Variants in CSMD3 observed in about 807,000 individuals in gnomAD.
The protein encoded by CSMD3 is CUB and Sushi multiple domains 3, also known as CUB and sushi domain-containing protein 3.
CSMD3 carries 177 observed loss-of-function variants against 435.2 expected under a neutral mutation model. The ratio of observed to expected loss-of-function variants is 0.41; its 90% CI spans 0.36 to 0.46. The LOEUF (loss-of-function observed/expected upper bound fraction) is 0.46, where lower values mean the gene tolerates loss of function less well. CSMD3 is among the 20% of genes least tolerant of loss of function. The probability of loss-of-function intolerance (pLI) is 0.34; values close to 1 mark genes in which losing one functional copy is unlikely to be tolerated. For synonymous variants in CSMD3, 1,656 were observed against 1,520.5 expected (o/e 1.09, Z -2.07); for missense variants, 4,265 against 4,504.6 (o/e 0.95, Z 1.52).
chr8:113,362,655 G>C (rs1033025883), intron 1 of CSMD3, among the ~76,000 whole-genome samples: 2 of 152,078 alleles, frequency 1.3e-5, no homozygotes, highest in African/African-American at 4.8e-5. Context: ...TCTCAGTTTT[G>C]TGGGATGCAC....
intron 1 of CSMD3, among the ~76,000 whole-genome samples, chr8:113,428,806 A>G (rs748288283): frequency 6.6e-6 from 1 of 151,852 alleles, no homozygotes; most frequent in Non-Finnish European, 1.5e-5. Flanking sequence ...TTGCTTTTTT[A>G]GTTATTTGGG....
At chr8:113,402,844 AAT>A (rs1470024853) in intron 1 of CSMD3, among the ~76,000 whole-genome samples, 6 of 151,384 alleles carry the variant, frequency 4.0e-5, no homozygotes, top group Non-Finnish European at 7.4e-5. Flanking sequence ...TAGGAAACAA[AAT>A]AACAAGAGTA....
At chr8:112,905,386 G>A (rs929949528) in intron 10 of CSMD3, among the ~76,000 whole-genome samples, 1 of 150,794 alleles carries the variant, frequency 6.6e-6, no homozygotes, top group African/African-American at 2.4e-5. Flanking sequence ...GGTGGGTATT[G>A]TTAGGAGGCA....
intron 15 of CSMD3, among the ~76,000 whole-genome samples, chr8:112,683,808 A>G (rs2075955059): frequency 6.6e-6 from 1 of 151,904 alleles, no homozygotes; most frequent in Admixed American, 6.6e-5. Flanking sequence ...TATAAATTGT[A>G]TAATTTTACT....
At chr8:113,350,575 C>A (rs1355078407) in intron 1 of CSMD3, among the ~76,000 whole-genome samples, 1 of 152,062 alleles carries the variant, frequency 6.6e-6, no homozygotes, top group South Asian at 2.1e-4. Flanking sequence ...CCCTTCTTTT[C>A]AACCTCCCTA....
chr8:112,966,812 T>G (rs1456661666), intron 7 of CSMD3, among the ~76,000 whole-genome samples: 1 of 151,898 alleles, frequency 6.6e-6, no homozygotes, highest in Non-Finnish European at 1.5e-5. Context: ...CCATCTGCCT[T>G]AAAATATCCC....
intron 1 of CSMD3, among the ~76,000 whole-genome samples, chr8:113,317,314 A>G (rs1563691576): frequency 6.6e-6 from 1 of 152,168 alleles, no homozygotes. Context: ...TTTGAACTTC[A>G]TAACTAAAGG....
intron 32 of CSMD3, among the ~76,000 whole-genome samples, chr8:112,443,681 T>C (rs1420892382): frequency 4.6e-5 from 7 of 152,102 alleles, no homozygotes; most frequent in South Asian, 2.1e-4. Flanking sequence ...TAAATGTCTA[T>C]CTTTTTGTTA....
intron 3 of CSMD3, among the ~76,000 whole-genome samples, chr8:113,277,350 G>C (rs2093579383): frequency 6.6e-6 from 1 of 151,850 alleles, no homozygotes; most frequent in Admixed American, 6.6e-5. Flanking sequence ...CTACACAAAA[G>C]ACAGTTCAGA....
intron 4 of CSMD3, among the ~76,000 whole-genome samples, chr8:113,152,237 T>A (rs1366319011): frequency 6.6e-6 from 1 of 151,934 alleles, no homozygotes. Flanking sequence ...ATCACACTAC[T>A]GAGTAAACAG....
At chr8:113,145,824 A>G (rs1407265567) in intron 4 of CSMD3, among the ~76,000 whole-genome samples, 1 of 151,582 alleles carries the variant, frequency 6.6e-6, no homozygotes, top group African/African-American at 2.4e-5. Context: ...CAGATGGCAA[A>G]AATGAGTCCC....
At chr8:113,338,956 T>TA (rs557463316) in intron 1 of CSMD3, among the ~76,000 whole-genome samples, 15 of 151,964 alleles carry the variant, frequency 9.9e-5, no homozygotes, top group Admixed American at 1.3e-4. Context: ...AATTACACTT[T>TA]AAAATGTTTT....
chr8:112,902,914 C>T (rs1035609832), intron 10 of CSMD3, among the ~76,000 whole-genome samples: 3 of 150,958 alleles, frequency 2.0e-5, no homozygotes, highest in African/African-American at 7.3e-5. Flanking sequence ...TCTACTTCAC[C>T]CACTTCTTCT....
intron 11 of CSMD3, among the ~76,000 whole-genome samples, chr8:112,849,295 T>A (rs1288456743): frequency 6.6e-6 from 1 of 152,016 alleles, no homozygotes; most frequent in African/African-American, 2.4e-5. Flanking sequence ...ATTATCCTCA[T>A]AACAATAACT....
At chr8:113,250,058 T>C (rs1672509066) in intron 3 of CSMD3, among the ~76,000 whole-genome samples, 1 of 152,150 alleles carries the variant, frequency 6.6e-6, no homozygotes, top group Non-Finnish European at 1.5e-5. Flanking sequence ...TTCTTTTCTA[T>C]GTCCTCTTTA....
At chr8:112,430,780 G>A (rs1813586655) in intron 32 of CSMD3, among the ~76,000 whole-genome samples, 1 of 152,034 alleles carries the variant, frequency 6.6e-6, no homozygotes, top group Non-Finnish European at 1.5e-5. Flanking sequence ...GATTGATGGT[G>A]CGGACTATAA....
At chr8:113,238,849 C>G (rs1489056812) in intron 3 of CSMD3, among the ~76,000 whole-genome samples, 1 of 152,030 alleles carries the variant, frequency 6.6e-6, no homozygotes, top group Non-Finnish European at 1.5e-5. Context: ...ACATCAGCTC[C>G]TACTGTGATG....
At chr8:112,914,995 A>G (rs991650465) in intron 10 of CSMD3, among the ~76,000 whole-genome samples, 5 of 151,952 alleles carry the variant, frequency 3.3e-5, no homozygotes, top group African/African-American at 1.2e-4. Flanking sequence ...ACAGATCTTC[A>G]AGATGCTTTT....
In CSMD3 at chr8:113,239,342, CAT is replaced by C. The variant is rs1222195374; in HGVS notation, c.514+39248_514+39249del. Among the ~76,000 whole-genome samples, 3 of 152,044 alleles carry C rather than the reference CAT, an allele frequency of 2.0e-5. No individual in the cohort carries two copies. In the East Asian group the frequency reaches 5.8e-4, roughly 29 times the overall value. On this transcript the variant is annotated intron_variant, in intron 3 of 70. Coordinates refer to ENST00000297405, the MANE Select transcript of CSMD3 (RefSeq NM_198123.2). ...ATAAATATATAATGTATGCCTACTG[CAT>C]AGAGACACCATGTCTATTTTTAATT...
Sources: gnomAD v4.1 joint callset for allele counts (sites outside exome capture counted in the v4.1 genomes callset) on GRCh38, gnomAD v4.1.1 for gene constraint, MANE v1.5 for transcripts, NCBI Gene and HGNC (gene_info 2026-07-23, HGNC 2026-07-21) for gene names.